SLC14A2: variants seen among roughly 807,000 people sequenced by gnomAD.
SLC14A2 encodes solute carrier family 14 member 2.
In SLC14A2, 91 loss-of-function variants were observed where a neutral mutation model predicts 104.6. The ratio of observed to expected loss-of-function variants is 0.87; its 90% CI spans 0.73 to 1.04. The LOEUF is 1.04. Among genes scored for constraint, SLC14A2 ranks in the 50% least tolerant of loss-of-function variants. The pLI, the probability that SLC14A2 is intolerant of heterozygous loss-of-function variation, is 0.00. For missense variants in SLC14A2, 1,189 were observed against 1,156.0 expected, an observed-to-expected ratio of 1.03 and a Z score of -0.41; for synonymous variants, 476 against 466.4, an observed-to-expected ratio of 1.02 and a Z score of -0.27.
chr18:45,201,551 A>ACTGT, the SLC14A2 span, among the ~76,000 whole-genome samples: 2 of 149,516 alleles, frequency 1.3e-5, no homozygotes, highest in Non-Finnish European at 3.0e-5. Context: ...GTATGTGTGT[A>ACTGT]GTGTGTGTGT....
the SLC14A2 span, among the ~76,000 whole-genome samples, chr18:45,182,657 C>T: frequency 1.3e-5 from 2 of 151,566 alleles, no homozygotes; most frequent in Middle Eastern, 3.3e-3. Flanking sequence ...AAAAACAAGT[C>T]CTTTTAAAAA....
intron 4 of SLC14A2, among the ~76,000 whole-genome samples, chr18:45,629,783 C>A (rs1396822816): frequency 2.6e-5 from 4 of 152,200 alleles, no homozygotes; most frequent in Admixed American, 6.5e-5. Flanking sequence ...CTCACAAACA[C>A]CCTGATTAAG....
chr18:45,206,422 C>T, the SLC14A2 span, among the ~76,000 whole-genome samples: 1 of 147,990 alleles, frequency 6.8e-6, no homozygotes, highest in Non-Finnish European at 1.5e-5. Flanking sequence ...TACACATACA[C>T]ACACACGTAC....
At chr18:45,340,259 T>G (rs2085380333) in intron 1 of SLC14A2, among the ~76,000 whole-genome samples, 1 of 152,254 alleles carries the variant, frequency 6.6e-6, no homozygotes, top group Non-Finnish European at 1.5e-5. Flanking sequence ...TCTTACCATT[T>G]TGCTTATGCA....
At chr18:45,659,194 G>T (rs1411098307) in intron 10 of SLC14A2, among the ~76,000 whole-genome samples, 1 of 152,238 alleles carries the variant, frequency 6.6e-6, no homozygotes, top group African/African-American at 2.4e-5. Flanking sequence ...TGACCTCCAA[G>T]CAGCCAGGTG....
rs977591437 is a variant in SLC14A2, at chr18:45,227,870, C to T, written c.-125+14679C>T. The stretch of plus-strand genomic sequence containing the variant: ...TCTTGCTCCTTTCTTTAACAAGATA[C>T]ATGTGTTAGTTTCTTTAATTTGCTA... On this transcript the variant is annotated intron_variant, in intron 1 of 20. Coordinates refer to the SLC14A2 transcript ENST00000586448. Among the ~76,000 whole-genome samples the T allele has an allele frequency of 2.0e-5, 3 of 151,822 alleles. No individual in the cohort carries two copies. The South Asian group carries it at 6.3e-4, about 32-fold the overall frequency.
intron 2 of SLC14A2, chr18:45,485,048 C>T (rs1340791365): frequency 2.6e-5 from 4 of 152,162 alleles, no homozygotes; most frequent in African/African-American, 9.7e-5. Context: ...AAAATCATAA[C>T]ATCTCTTGTG....
chr18:45,664,011 T>G, intron 11 of SLC14A2, 104 bp downstream of exon 11: 1 of 1,260,046 alleles, frequency 7.9e-7, no homozygotes, highest in Non-Finnish European at 1.1e-6. Flanking sequence ...GGAGACCCGC[T>G]GGAGTCAGAC....
intron 2 of SLC14A2, among the ~76,000 whole-genome samples, chr18:45,594,697 A>G (rs767969369): frequency 3.8e-4 from 58 of 151,976 alleles, no homozygotes; most frequent in Non-Finnish European, 7.4e-4. Context: ...TTGGGATACT[A>G]TTTTCTAGCC....
At chr18:45,625,990 T>A (rs1023719736) in intron 3 of SLC14A2, 127 bp downstream of exon 3, 26 of 628,700 alleles carry the variant, frequency 4.1e-5, no homozygotes, top group Non-Finnish European at 5.9e-5. Context: ...TGCCCAGGAC[T>A]GGACCTCACC....
At chr18:45,552,394 TC>T (rs1227233056) in intron 2 of SLC14A2, among the ~76,000 whole-genome samples, 2 of 151,728 alleles carry the variant, frequency 1.3e-5, no homozygotes, top group African/African-American at 4.8e-5. Context: ...CCCTGCATTT[TC>T]TTTGTGTGAG....
intron 10 of SLC14A2, chr18:45,646,683 C>T (rs1378197355): frequency 6.6e-6 from 1 of 152,068 alleles, no homozygotes. Context: ...CCCCTGCCAA[C>T]TCTTCACCTC....
intron 1 of SLC14A2, among the ~76,000 whole-genome samples, chr18:45,473,561 T>C (rs1440162489): frequency 2.0e-5 from 3 of 152,244 alleles, no homozygotes; most frequent in African/African-American, 7.2e-5. Context: ...CCTTGAGCAG[T>C]GGTTTGCAGT....
In SLC14A2 at chr18:45,257,375, GAC is replaced by G. The variant is rs531451441; in HGVS notation, c.-125+44188_-125+44189del. Among the ~76,000 whole-genome samples, 8 of 152,292 alleles carry G rather than the reference GAC, an allele frequency of 5.3e-5. No individual in the cohort carries two copies. The South Asian group carries it at 1.7e-3, about 32-fold the overall frequency. On this transcript the variant is annotated intron_variant, in intron 1 of 20. Coordinates refer to the SLC14A2 transcript ENST00000586448. ...AACTTTTGTATTTACCAGTGCATGA[GAC>G]ACATGTAATCCTAATGCATACCTTA...
intron 17 of SLC14A2, among the ~76,000 whole-genome samples, chr18:45,673,389 G>T (rs1325072113): frequency 6.6e-6 from 1 of 152,196 alleles, no homozygotes; most frequent in Non-Finnish European, 1.5e-5. Context: ...AAGGAGGAGA[G>T]GTTCTCTTTC....
intron 13 of SLC14A2, 57 bp downstream of exon 13, chr18:45,667,151 C>T: frequency 7.0e-7 from 1 of 1,436,130 alleles, no homozygotes; most frequent in Non-Finnish European, 9.6e-7. Context: ...CTCCACCCAT[C>T]CCCAGGAAAC....
chr18:45,224,150 G>A (rs769346744), intron 1 of SLC14A2, among the ~76,000 whole-genome samples: 3 of 152,190 alleles, frequency 2.0e-5, no homozygotes, highest in East Asian at 1.9e-4. Context: ...CTTGAAGTGC[G>A]AGGGAGACCA....
At chr18:45,414,882 T>C (rs1669656965) in intron 1 of SLC14A2, among the ~76,000 whole-genome samples, 1 of 149,472 alleles carries the variant, frequency 6.7e-6, no homozygotes, top group Non-Finnish European at 1.5e-5. Context: ...TTCTCTCCTT[T>C]CAGAGCTCCT....
intron 1 of SLC14A2, among the ~76,000 whole-genome samples, chr18:45,327,143 C>G (rs1350093050): frequency 2.0e-5 from 3 of 152,108 alleles, no homozygotes; most frequent in African/African-American, 7.2e-5. Flanking sequence ...AAAATATGCT[C>G]AACCCAAGAT....
Sources: allele counts gnomAD v4.1 joint callset (sites outside exome capture counted in the v4.1 genomes callset), GRCh38; gene constraint gnomAD v4.1.1; transcripts MANE v1.5; gene names NCBI Gene and HGNC (gene_info 2026-07-23, HGNC 2026-07-21).